The following ZBBX variants were observed in gnomAD, a reference collection of about 807,000 sequenced individuals.
ZBBX encodes zinc finger B-box domain-containing protein 1.
ZBBX carries 101 observed loss-of-function variants against 108.5 expected under a neutral mutation model. The ratio of observed to expected loss-of-function variants is 0.93; its 90% CI spans 0.79 to 1.10. The LOEUF is 1.10. Ranked by LOEUF, ZBBX falls within the 50% of genes least tolerant of loss-of-function variation. ZBBX has a pLI of 0.00. For synonymous variants in ZBBX, 356 were observed against 323.4 expected (o/e 1.10, Z -1.08); for missense variants, 1,009 against 941.4 (o/e 1.07, Z -0.94).
chr3:167,282,423 A>C lies in ZBBX; in HGVS notation c.2069T>G (p.Leu690Arg). 1 of 1,614,082 alleles carries C rather than the reference A, an allele frequency of 6.2e-7. No individual in the cohort carries two copies. Among genetic ancestry groups the C allele is most frequent in the African/African-American group, 1.3e-5 (1 of 75,050 alleles). ...SNSVKESSSC[L>R]SSSHPRSRSA... ...TCTTGATCGAGGATGAGAGGATGAA[A>C]GGCAACTGGAGCTTTCTTTAACAGA... is the stretch of plus-strand genomic sequence containing the variant. The change falls in exon 20 of 22, where the codon CTT becomes CGT. Residue 690 changes from leucine (L) to arginine (R), a missense_variant. By Grantham distance (102) the Leu-to-Arg change is moderately radical (BLOSUM62 -2). Coordinates refer to ENST00000675490, the MANE Select transcript of ZBBX (RefSeq NM_001199201.2).
chr3:167,306,500 G>T (rs1320329933), intron 16 of ZBBX, among the ~76,000 whole-genome samples: 1 of 152,162 alleles, frequency 6.6e-6, no homozygotes, highest in Non-Finnish European at 1.5e-5. Context: ...CATTATGTCT[G>T]CTTTAAATAA....
chr3:167,225,646 T>C, the ZBBX span, among the ~76,000 whole-genome samples: 1 of 151,796 alleles, frequency 6.6e-6, no homozygotes, highest in Non-Finnish European at 1.5e-5. Flanking sequence ...TTCTTTTCTC[T>C]ATATACTATG....
intron 9 of ZBBX, among the ~76,000 whole-genome samples, chr3:167,339,650 G>A (rs1167252224): frequency 2.6e-5 from 4 of 151,992 alleles, no homozygotes; most frequent in Non-Finnish European, 5.9e-5. Flanking sequence ...AATGAGAAAT[G>A]GTTTGTTTGT....
chr3:167,286,297 A>C (rs754284703), intron 19 of ZBBX, among the ~76,000 whole-genome samples: 54 of 152,110 alleles, frequency 3.6e-4, no homozygotes, highest in Non-Finnish European at 5.6e-4. Flanking sequence ...CGGGTAGCCA[A>C]CCAAGGTGTT....
intron 11 of ZBBX, 57 bp from the exon 12 acceptor site, chr3:167,322,294 A>G (rs752859623): frequency 5.6e-5 from 77 of 1,364,864 alleles, no homozygotes; most frequent in Non-Finnish European, 6.7e-5. Flanking sequence ...AAATTACTAT[A>G]TCTTCTCTTA....
intron 17 of ZBBX, among the ~76,000 whole-genome samples, chr3:167,303,983 C>T (rs550053141): frequency 6.6e-6 from 1 of 152,140 alleles, no homozygotes; most frequent in African/African-American, 2.4e-5. Context: ...ATATTTCTCT[C>T]CTTATTTGTA....
intron 4 of ZBBX, among the ~76,000 whole-genome samples, chr3:167,370,066 T>C (rs1745920456): frequency 1.3e-5 from 2 of 152,090 alleles, no homozygotes; most frequent in African/African-American, 4.8e-5. Context: ...TAAAGGGTTT[T>C]AAGAGAATTG....
intron 1 of ZBBX, among the ~76,000 whole-genome samples, chr3:167,388,303 G>A (rs1349382142): frequency 6.6e-6 from 1 of 151,908 alleles, no homozygotes; most frequent in Admixed American, 6.6e-5. Context: ...AAGACTATAT[G>A]GAGGGATAGG....
chr3:167,286,617 G>GT (rs1259109177), intron 19 of ZBBX, among the ~76,000 whole-genome samples: 1 of 152,114 alleles, frequency 6.6e-6, no homozygotes, highest in African/African-American at 2.4e-5. Context: ...AGGTAAAAGT[G>GT]TTTAGTGTTG....
At chr3:167,299,498 G>A (rs1354032977) in intron 17 of ZBBX, among the ~76,000 whole-genome samples, 1 of 152,038 alleles carries the variant, frequency 6.6e-6, no homozygotes, top group Non-Finnish European at 1.5e-5. Flanking sequence ...AGTTTTGAAT[G>A]TCTTGGTTTA....
chr3:167,347,637 T>C (rs1245370545), intron 9 of ZBBX, among the ~76,000 whole-genome samples: 2 of 152,080 alleles, frequency 1.3e-5, no homozygotes, highest in African/African-American at 4.8e-5. Context: ...ACTTTATTCC[T>C]TAGTAATTCC....
At chr3:167,368,597 G>A (rs1025748528) in intron 4 of ZBBX, 23 bp from the exon 5 acceptor site, 1 of 1,525,282 alleles carries the variant, frequency 6.6e-7, no homozygotes, top group South Asian at 1.3e-5. Flanking sequence ...GATTTAAATG[G>A]AGAAAGCAGA....
the ZBBX span, among the ~76,000 whole-genome samples, chr3:167,191,208 G>T: frequency 2.0e-5 from 3 of 152,206 alleles, no homozygotes; most frequent in Non-Finnish European, 4.4e-5. Flanking sequence ...GAAACAATCT[G>T]TCTCTGCTGA....
chr3:167,280,496 T>C lies in ZBBX; in HGVS notation c.2254+1742A>G, dbSNP rs374207858. On this transcript the variant is annotated intron_variant, in intron 20 of 21. Transcript: ENST00000675490. ...GACATTTATGCAGCCAAAAAACACATGAAAAAATGCTCACCATCACTGGCC... is the reference window on the plus strand; with the variant it reads ...GACATTTATGCAGCCAAAAAACACACGAAAAAATGCTCACCATCACTGGCC... 5.3e-5 allele frequency among the ~76,000 whole-genome samples: 8 copies of C among 150,030 alleles called. No individual in the cohort carries two copies. In the East Asian group the frequency reaches 5.9e-4, roughly 11 times the overall value.
the ZBBX span, among the ~76,000 whole-genome samples, chr3:167,213,056 C>T: frequency 6.6e-6 from 1 of 152,176 alleles, no homozygotes; most frequent in Non-Finnish European, 1.5e-5. Flanking sequence ...TCAATCTACA[C>T]TGCAGTTAAA....
chr3:167,241,719 A>T (rs575148206), intron 21 of ZBBX, among the ~76,000 whole-genome samples: 13 of 152,242 alleles, frequency 8.5e-5, no homozygotes, highest in African/African-American at 1.4e-4. Context: ...GTCTTAAAAA[A>T]TTTTTTTACA....
chr3:167,246,980 G>A (rs770424009), intron 20 of ZBBX, among the ~76,000 whole-genome samples: 1 of 152,200 alleles, frequency 6.6e-6, no homozygotes, highest in Non-Finnish European at 1.5e-5. Context: ...CTTACTGTAT[G>A]TAGGAAGTGA....
At position 167,395,247 on chromosome 3, in the gene ZBBX, G is replaced by T. The variant is rs182300325; in HGVS notation, c.-446+12479C>A. On this transcript the variant is annotated intron_variant, in intron 1 of 21. Coordinates refer to the ZBBX transcript ENST00000455345. ...CTTTGGCTTTTTAAGAATGAGTAAA[G>T]TTATTTTTTAGAAGGAAATAATGTT... Among the ~76,000 whole-genome samples the T allele has an allele frequency of 3.3e-3, 509 of 152,106 alleles. 2 individuals are homozygous for T. The highest frequency in any genetic ancestry group is 6.8e-3 in the Middle Eastern group (2 of 294).
intron 14 of ZBBX, among the ~76,000 whole-genome samples, chr3:167,316,366 C>T (rs1272126824): frequency 6.6e-6 from 1 of 152,044 alleles, no homozygotes; most frequent in Non-Finnish European, 1.5e-5. Context: ...TTCTTAACAA[C>T]CACAGTAAGA....
Sources: gnomAD v4.1 joint callset for allele counts (sites outside exome capture counted in the v4.1 genomes callset) on GRCh38, gnomAD v4.1.1 for gene constraint, MANE v1.5 for transcripts, NCBI Gene and HGNC (gene_info 2026-07-23, HGNC 2026-07-21) for gene names.